The following DNAJC1 variants were observed in gnomAD, a reference collection of about 807,000 sequenced individuals.
DNAJC1 encodes the protein DnaJ heat shock protein family (Hsp40) member C1, also known as dnaJ homolog subfamily C member 1.
A neutral mutation model predicts 76.6 loss-of-function variants in DNAJC1; 58 were observed. The ratio of observed to expected loss-of-function variants is 0.76; its 90% confidence interval spans 0.61 to 0.94. The LOEUF is 0.94. DNAJC1 is among the 40% of genes least tolerant of loss of function. The probability of loss-of-function intolerance (pLI) is 0.00; values close to 1 mark genes in which losing one functional copy is unlikely to be tolerated. For synonymous variants in DNAJC1, 258 were observed against 267.9 expected (o/e 0.96, Z 0.36); for missense variants, 689 against 677.3 (o/e 1.02, Z -0.19).
intron 8 of DNAJC1, among the ~76,000 whole-genome samples, chr10:21,817,134 T>C (rs1835089992): frequency 8.8e-6 from 1 of 114,256 alleles, no homozygotes; most frequent in Admixed American, 1.3e-4. Flanking sequence ...CACTCCAGCA[T>C]GGGCTACAGA....
chr10:21,926,178 CT>C (rs762635865), intron 3 of DNAJC1, among the ~76,000 whole-genome samples: 2 of 151,868 alleles, frequency 1.3e-5, no homozygotes, highest in East Asian at 1.9e-4. Flanking sequence ...TTTCCAACTC[CT>C]GAGTTCAAGG....
chr10:21,807,007 A>G lies in DNAJC1; in HGVS notation c.979-908T>C, dbSNP rs1258319542. Among the ~76,000 whole-genome samples the G allele has an allele frequency of 3.3e-5, 5 of 152,184 alleles. No individual in the cohort carries two copies. In the East Asian group the frequency reaches 9.6e-4, roughly 29 times the overall value. ...TCAAACAACAAATAACCACGTTACA[A>G]TTATTTCACATTACACTTTAGTACT... On this transcript the variant is annotated intron_variant, in intron 8 of 11. Coordinates refer to ENST00000376980, the MANE Select transcript of DNAJC1 (RefSeq NM_022365.4).
intron 7 of DNAJC1, among the ~76,000 whole-genome samples, chr10:21,900,702 T>C (rs555152965): frequency 6.6e-6 from 1 of 152,334 alleles, no homozygotes; most frequent in Admixed American, 6.5e-5. Flanking sequence ...TTAGGTTTTA[T>C]AATATGAAAT....
intron 8 of DNAJC1, among the ~76,000 whole-genome samples, chr10:21,859,468 T>C (rs1835888893): frequency 6.6e-6 from 1 of 152,170 alleles, no homozygotes; most frequent in African/African-American, 2.4e-5. Context: ...ATGAAAATAA[T>C]GATGAACATT....
chr10:21,838,699 A>C (rs1835516059), intron 8 of DNAJC1, among the ~76,000 whole-genome samples: 1 of 152,306 alleles, frequency 6.6e-6, no homozygotes, highest in South Asian at 2.1e-4. Flanking sequence ...AACGAGACAG[A>C]AAGTTAACAA....
chr10:21,914,061 C>A (rs1403243759), intron 6 of DNAJC1, among the ~76,000 whole-genome samples: 1 of 152,160 alleles, frequency 6.6e-6, no homozygotes, highest in Non-Finnish European at 1.5e-5. Context: ...ACACCATATT[C>A]TTTTCCTGTA....
chr10:21,864,948 G>A (rs908211189), intron 8 of DNAJC1, among the ~76,000 whole-genome samples: 1 of 151,980 alleles, frequency 6.6e-6, no homozygotes, highest in Non-Finnish European at 1.5e-5. Context: ...TATTCAAATG[G>A]AAAACACATG....
At chr10:21,818,327 T>G (rs1210707446) in intron 8 of DNAJC1, among the ~76,000 whole-genome samples, 1 of 152,194 alleles carries the variant, frequency 6.6e-6, no homozygotes, top group African/African-American at 2.4e-5. Context: ...AATAAATTTT[T>G]GGTCAGACCA....
intron 8 of DNAJC1, among the ~76,000 whole-genome samples, chr10:21,831,764 T>A (rs1235033311): frequency 1.6e-5 from 2 of 126,904 alleles, no homozygotes; most frequent in Admixed American, 2.1e-4. Flanking sequence ...CACTCCAGCC[T>A]GGGCGACAGA....
At chr10:21,950,869 G>T (rs1007059323) in intron 1 of DNAJC1, among the ~76,000 whole-genome samples, 1 of 152,170 alleles carries the variant, frequency 6.6e-6, no homozygotes, top group Non-Finnish European at 1.5e-5. Flanking sequence ...AAGGACAAGA[G>T]GGTGAGGAAG....
At chr10:21,883,251 A>AC (rs1836311121) in intron 7 of DNAJC1, among the ~76,000 whole-genome samples, 4 of 128,956 alleles carry the variant, frequency 3.1e-5, no homozygotes, top group African/African-American at 1.1e-4. Context: ...TTCTATCTCA[A>AC]ACACACACAC....
At chr10:21,773,485 A>G (rs1834414298) in intron 9 of DNAJC1, among the ~76,000 whole-genome samples, 1 of 152,190 alleles carries the variant, frequency 6.6e-6, no homozygotes, top group Non-Finnish European at 1.5e-5. Context: ...ACTGGAATTA[A>G]AGAACATACT....
chr10:21,961,540 G>GA (rs1837791092), intron 1 of DNAJC1, among the ~76,000 whole-genome samples: 1 of 152,154 alleles, frequency 6.6e-6, no homozygotes, highest in Admixed American at 6.5e-5. Flanking sequence ...CATAGAGACA[G>GA]AAAGTGGATT....
At chr10:21,811,796 T>C (rs1834971158) in intron 8 of DNAJC1, among the ~76,000 whole-genome samples, 1 of 152,192 alleles carries the variant, frequency 6.6e-6, no homozygotes, top group African/African-American at 2.4e-5. Context: ...TCAGTGGTCA[T>C]GTTTTAATTT....
rs370030051 is a variant in DNAJC1, at chr10:21,824,856, C to T, written c.979-18757G>A. On this transcript the variant is annotated intron_variant, in intron 8 of 11. Coordinates refer to ENST00000376980, the MANE Select transcript of DNAJC1 (RefSeq NM_022365.4). Reference sequence around the variant, plus strand: ...TGGTGCAATCTCAGCTCACTGCAACCTCTGCTTCCTGGATTCAAGTGATTC... The same window carrying T: ...TGGTGCAATCTCAGCTCACTGCAACTTCTGCTTCCTGGATTCAAGTGATTC... Among the ~76,000 whole-genome samples the T allele has an allele frequency of 1.6e-4, 25 of 152,282 alleles. No individual in the cohort carries two copies. In the South Asian group the frequency reaches 5.2e-3, roughly 32 times the overall value.
chr10:21,895,061 A>C (rs1272222877), intron 7 of DNAJC1, among the ~76,000 whole-genome samples: 6 of 152,246 alleles, frequency 3.9e-5, no homozygotes, highest in African/African-American at 1.4e-4. Context: ...ATAAACTAAA[A>C]TAGAAAGTAG....
intron 9 of DNAJC1, among the ~76,000 whole-genome samples, chr10:21,804,546 C>G (rs568592478): frequency 6.6e-6 from 1 of 151,262 alleles, no homozygotes; most frequent in East Asian, 1.9e-4. Flanking sequence ...TACAAACAAC[C>G]TTAAAACCGA....
intron 1 of DNAJC1, among the ~76,000 whole-genome samples, chr10:21,987,410 A>G (rs367870497): frequency 6.6e-6 from 1 of 152,226 alleles, no homozygotes; most frequent in East Asian, 1.9e-4. Context: ...AAAGAGAGAC[A>G]GTATATACAA....
intron 1 of DNAJC1, among the ~76,000 whole-genome samples, chr10:21,941,027 G>A (rs940402751): frequency 1.0e-4 from 15 of 150,172 alleles, no homozygotes; most frequent in Non-Finnish European, 1.6e-4. Flanking sequence ...CAAGGCGGGC[G>A]GATCACAAGG....
Sources: gnomAD v4.1 joint callset for allele counts (sites outside exome capture counted in the v4.1 genomes callset) on GRCh38, gnomAD v4.1.1 for gene constraint, MANE v1.5 for transcripts, NCBI Gene and HGNC (gene_info 2026-07-23, HGNC 2026-07-21) for gene names.